The following SORT1 variants were observed in gnomAD, a reference collection of about 807,000 sequenced individuals.
SORT1 encodes sortilin 1.
SORT1 carries 39 observed loss-of-function variants against 101.7 expected under a neutral mutation model. That is an observed-to-expected ratio of 0.38 (90% CI 0.30 to 0.50). The LOEUF is 0.50. Among genes scored for constraint, SORT1 ranks in the 20% least tolerant of loss-of-function variants. The pLI, the probability that SORT1 is intolerant of heterozygous loss-of-function variation, is 0.90. For synonymous variants in SORT1, 396 were observed against 393.7 expected, an observed-to-expected ratio of 1.01 and a Z score of -0.07; for missense variants, 878 against 1,040.4, an observed-to-expected ratio of 0.84 and a Z score of 2.15.
chr1:109,380,024 C>T lies in SORT1; in HGVS notation c.307-10435G>A, dbSNP rs117066554. Among the ~76,000 whole-genome samples, 172 of 152,168 alleles carry T rather than the reference C, an allele frequency of 1.1e-3. 2 individuals are homozygous for T. In the East Asian group the frequency reaches 0.026, roughly 23 times the overall value. On this transcript the variant is annotated intron_variant, in intron 1 of 19. Transcript: ENST00000256637. ...GGCACAGTGGCTCACCCCTGTAATC[C>T]TAGCATTTTGGGAGGCCCAGGTGGG... is the stretch of plus-strand genomic sequence containing the variant.
intron 16 of SORT1, among the ~76,000 whole-genome samples, chr1:109,317,364 G>A (rs1422112188): frequency 6.6e-6 from 1 of 152,168 alleles, no homozygotes; most frequent in East Asian, 1.9e-4. Flanking sequence ...TCAGTTCCTC[G>A]GTTACACTAG....
intron 13 of SORT1, 120 bp downstream of exon 13, chr1:109,326,872 A>T: frequency 1.4e-6 from 1 of 690,578 alleles, no homozygotes; most frequent in Non-Finnish European, 2.3e-6. Context: ...AATCTTATCT[A>T]TAGTTCTGTC....
intron 1 of SORT1, among the ~76,000 whole-genome samples, chr1:109,394,519 C>T (rs1653085054): frequency 6.6e-6 from 1 of 152,192 alleles, no homozygotes; most frequent in African/African-American, 2.4e-5. Flanking sequence ...CATCAGGACA[C>T]CGGTCTCCTT....
chr1:109,331,317 T>A (rs913084921), intron 11 of SORT1, among the ~76,000 whole-genome samples: 4 of 152,108 alleles, frequency 2.6e-5, no homozygotes, highest in Non-Finnish European at 4.4e-5. Flanking sequence ...GTTCAACATA[T>A]GCAAATCAAT....
intron 3 of SORT1, among the ~76,000 whole-genome samples, chr1:109,355,996 C>T (rs759452829): frequency 1.3e-5 from 2 of 152,172 alleles, no homozygotes; most frequent in East Asian, 1.9e-4. Context: ...CTCAGCCTCC[C>T]GAGTAGCTGG....
rs370897955 is a variant in SORT1, at chr1:109,333,842, T to A, written c.1371+2398A>T. On this transcript the variant is annotated intron_variant, in intron 11 of 19. Coordinates refer to ENST00000256637, the MANE Select transcript of SORT1 (RefSeq NM_002959.7). ...CATTATGCAATACCGTAAGAAATTT[T>A]CCTAGAAAATGAATAACAGCAGGGC... Among the ~76,000 whole-genome samples the A allele has an allele frequency of 1.2e-4, 18 of 152,284 alleles. No homozygotes were observed. In the South Asian group the frequency reaches 3.7e-3, roughly 32 times the overall value.
At chr1:109,346,331 AG>A (rs1225531182) in intron 7 of SORT1, among the ~76,000 whole-genome samples, 3 of 150,578 alleles carry the variant, frequency 2.0e-5, no homozygotes, top group Non-Finnish European at 4.4e-5. Flanking sequence ...AAAAAAAAAA[AG>A]TGATACAGCA....
chr1:109,339,767 A>C (rs1290724378), intron 10 of SORT1, among the ~76,000 whole-genome samples: 1 of 152,224 alleles, frequency 6.6e-6, no homozygotes, highest in African/African-American at 2.4e-5. Flanking sequence ...CATTGACTTA[A>C]ACAGTTACAT....
chr1:109,351,370 A>G (rs1046261860), intron 5 of SORT1, among the ~76,000 whole-genome samples: 2 of 152,234 alleles, frequency 1.3e-5, no homozygotes, highest in Admixed American at 1.3e-4. Context: ...GGTCTAGTAT[A>G]GAAGTGAGGA....
intron 6 of SORT1, among the ~76,000 whole-genome samples, chr1:109,350,564 G>C (rs1649897274): frequency 1.3e-5 from 2 of 152,196 alleles, no homozygotes. Flanking sequence ...TGGAACTCTA[G>C]ACAAGAGGGT....
rs1372305639 is a variant in SORT1, at chr1:109,340,856, T to C, written c.1132A>G (p.Thr378Ala). ...TAGACAATGCCTCGATCATCTGAGG[T>C]AAAGATTGTGCCAAACCCAGTGTCT... ...PGDTGFGTIF[T>A]SDDRGIVYSK... Residue 378 changes from threonine (T) to alanine (A), a missense_variant, in exon 10 of 20, where the codon ACC becomes GCC. This residue lies in a region of SORT1 where 684 missense variants were observed against 894.5 expected (regional missense o/e 0.76). Coordinates refer to ENST00000256637, the MANE Select transcript of SORT1 (RefSeq NM_002959.7). The C allele has an allele frequency of 1.2e-6, 2 of 1,613,336 alleles. No individual in the cohort carries two copies. Among genetic ancestry groups the C allele is most frequent in the African/African-American group, 1.3e-5 (1 of 74,978 alleles).
chr1:109,386,615 G>A (rs3879452), intron 1 of SORT1, among the ~76,000 whole-genome samples: 98,457 of 152,106 alleles, frequency 0.65, 33,734 homozygotes, highest in East Asian at 0.96. Flanking sequence ...CACTTTGGGA[G>A]GCCCAGGCGG....
chr1:109,355,276 T>C (rs899301387), intron 4 of SORT1, 91 bp downstream of exon 4: 5 of 746,412 alleles, frequency 6.7e-6, no homozygotes, highest in Admixed American at 4.3e-5. Context: ...AATACATTAC[T>C]GTGAATCACT....
intron 1 of SORT1, among the ~76,000 whole-genome samples, chr1:109,396,059 G>T (rs112014867): frequency 0.011 from 1,625 of 152,038 alleles, 17 homozygotes; most frequent in South Asian, 0.047. Flanking sequence ...ATTCCAGCCT[G>T]GGCAACAGAG....
chr1:109,348,902 G>A (rs1649783938), intron 6 of SORT1, among the ~76,000 whole-genome samples: 1 of 152,156 alleles, frequency 6.6e-6, no homozygotes, highest in African/African-American at 2.4e-5. Context: ...CCAGGAGGCA[G>A]AGGCTGCAAT....
chr1:109,361,440 G>C (rs141344310), intron 3 of SORT1, among the ~76,000 whole-genome samples: 42 of 152,164 alleles, frequency 2.8e-4, no homozygotes, highest in Admixed American at 2.7e-3. Context: ...GGATTACTTA[G>C]GTATTCTCTA....
intron 1 of SORT1, among the ~76,000 whole-genome samples, chr1:109,374,452 G>A (rs1468742023): frequency 6.6e-6 from 1 of 151,998 alleles, no homozygotes; most frequent in Non-Finnish European, 1.5e-5. Flanking sequence ...TTAGCCAAGT[G>A]TGGTGGTGGG....
At chr1:109,326,140 C>T (rs1156620224) in intron 13 of SORT1, among the ~76,000 whole-genome samples, 13 of 149,102 alleles carry the variant, frequency 8.7e-5, no homozygotes, top group Admixed American at 6.7e-5. Flanking sequence ...GTGGCCTTGA[C>T]CTCCTCAGGT....
chr1:109,314,846 C>CCACT, intron 17 of SORT1, 68 bp from the exon 18 acceptor site: 1 of 781,610 alleles, frequency 1.3e-6, no homozygotes. Context: ...GTCAAGGCAG[C>CCACT]CACTCATTCC....
Sources: allele counts gnomAD v4.1 joint callset (sites outside exome capture counted in the v4.1 genomes callset), GRCh38; gene constraint gnomAD v4.1.1; regional missense constraint gnomAD v4.1.1; transcripts MANE v1.5; gene names NCBI Gene and HGNC (gene_info 2026-07-23, HGNC 2026-07-21).